MECOM: variants seen among roughly 807,000 people sequenced by gnomAD.
MECOM encodes histone-lysine N-methyltransferase MECOM.
Under a neutral mutation model 116.3 loss-of-function variants are expected in MECOM, and 13 were observed. The observed-to-expected ratio is 0.11, with a 90% CI of 0.07 to 0.18. The LOEUF is 0.18. Among genes scored for constraint, MECOM ranks in the 10% least tolerant of loss-of-function variants. The probability of loss-of-function intolerance (pLI) is 1.00; values close to 1 mark genes in which losing one functional copy is unlikely to be tolerated. For synonymous variants in MECOM, 528 were observed against 535.2 expected (o/e 0.99, Z 0.19); for missense variants, 1,299 against 1,509.0 (o/e 0.86, Z 2.31).
At chr3:169,262,355 T>G (rs1248846816) in intron 2 of MECOM, among the ~76,000 whole-genome samples, 1 of 152,186 alleles carries the variant, frequency 6.6e-6, no homozygotes, top group Non-Finnish European at 1.5e-5. Flanking sequence ...AGCTAAAATG[T>G]CTCCTCTGGG....
intron 2 of MECOM, among the ~76,000 whole-genome samples, chr3:169,290,010 C>A (rs970915656): frequency 6.6e-6 from 1 of 152,054 alleles, no homozygotes; most frequent in Admixed American, 6.6e-5. Context: ...GTAGCATTGC[C>A]CTTTAATGAA....
intron 1 of MECOM, among the ~76,000 whole-genome samples, chr3:169,561,917 G>C (rs1489513562): frequency 6.6e-6 from 1 of 151,944 alleles, no homozygotes; most frequent in African/African-American, 2.4e-5. Flanking sequence ...AGGCCTAAGA[G>C]GGCAGATCAC....
chr3:169,543,042 C>G (rs1313454944), intron 1 of MECOM, among the ~76,000 whole-genome samples: 1 of 152,112 alleles, frequency 6.6e-6, no homozygotes, highest in African/African-American at 2.4e-5. Context: ...AACCATAGTT[C>G]AACTTGAGAA....
At chr3:169,491,537 T>C (rs1001624393) in intron 1 of MECOM, among the ~76,000 whole-genome samples, 5 of 152,228 alleles carry the variant, frequency 3.3e-5, no homozygotes, top group African/African-American at 9.6e-5. Flanking sequence ...ATCTTTGAAA[T>C]GAAGACTTCA....
In MECOM at chr3:169,441,744, TAAAAAA is replaced by T. The variant is rs1743739498; in HGVS notation, c.38-60226_38-60221del. 2.3e-4 allele frequency among the ~76,000 whole-genome samples: 32 copies of T among 142,096 alleles called. 2 individuals are homozygous for T. The highest frequency in any genetic ancestry group is 5.7e-4 in the Admixed American group (8 of 13,972). The allele number at this position is 142,096 out of a possible 152,430, so 93.2% of individuals were successfully genotyped here. The stretch of plus-strand genomic sequence containing the variant: ...TCTTCTCTTCTTTTTTTTTTTTTTT[TAAAAAA>T]GGGGGGGTCTTGCTCTGTCACCCAG... On this transcript the variant is annotated intron_variant, in intron 1 of 16. Coordinates refer to ENST00000651503, the MANE Select transcript of MECOM (RefSeq NM_004991.4).
At chr3:169,355,815 A>T (rs1004095516) in intron 2 of MECOM, among the ~76,000 whole-genome samples, 2 of 151,980 alleles carry the variant, frequency 1.3e-5, no homozygotes, top group Non-Finnish European at 2.9e-5. Context: ...AGCAGTGAAG[A>T]TTCTCTAGAA....
At chr3:169,358,119 G>A (rs1727581967) in intron 2 of MECOM, among the ~76,000 whole-genome samples, 1 of 151,714 alleles carries the variant, frequency 6.6e-6, no homozygotes, top group African/African-American at 2.4e-5. Context: ...ATCCACTACT[G>A]CAAACAGAAG....
chr3:169,581,421 T>G (rs1035581749), intron 1 of MECOM, among the ~76,000 whole-genome samples: 3 of 152,138 alleles, frequency 2.0e-5, no homozygotes, highest in Admixed American at 2.0e-4. Flanking sequence ...CATGATAGTC[T>G]TTATTTTCTT....
chr3:169,427,508 C>T (rs1310647810), intron 1 of MECOM, among the ~76,000 whole-genome samples: 1 of 152,096 alleles, frequency 6.6e-6, no homozygotes. Flanking sequence ...AATAATAGGG[C>T]TTTATCTTGT....
intron 16 of MECOM, among the ~76,000 whole-genome samples, chr3:169,088,324 AATTGCT>A (rs1469001126): frequency 1.3e-5 from 2 of 152,316 alleles, no homozygotes; most frequent in East Asian, 3.9e-4. Flanking sequence ...AGGCTCTTTT[AATTGCT>A]ATTTATGGAC....
intron 1 of MECOM, among the ~76,000 whole-genome samples, chr3:169,596,969 A>G (rs1005434841): frequency 6.6e-6 from 1 of 152,212 alleles, no homozygotes; most frequent in Non-Finnish European, 1.5e-5. Context: ...AAAGTTTCTT[A>G]GGACAATGAA....
chr3:169,283,262 G>T (rs949003337), intron 2 of MECOM, among the ~76,000 whole-genome samples: 1 of 151,998 alleles, frequency 6.6e-6, no homozygotes, highest in South Asian at 2.1e-4. Flanking sequence ...CAGCATTTTG[G>T]GAGGCCAAGG....
chr3:169,119,136 G>T (rs1730160348), intron 7 of MECOM, among the ~76,000 whole-genome samples: 1 of 152,220 alleles, frequency 6.6e-6, no homozygotes, highest in Admixed American at 6.5e-5. Flanking sequence ...TAGCACTGGT[G>T]ACTTTGGGCT....
chr3:169,400,138 G>T (rs1735650568), intron 1 of MECOM, among the ~76,000 whole-genome samples: 1 of 152,080 alleles, frequency 6.6e-6, no homozygotes, highest in African/African-American at 2.4e-5. Context: ...CAATTTTATG[G>T]AGTTTCTCCT....
rs570098843 is a variant in MECOM at position 169,469,590 on chromosome 3, T to C, written c.38-88066A>G. Among the ~76,000 whole-genome samples the C allele has an allele frequency of 2.6e-3, 289 of 111,120 alleles. 2 individuals are homozygous for C. The highest frequency in any genetic ancestry group is 3.3e-3 in the Non-Finnish European group (181 of 55,240). 72.9% of individuals were successfully genotyped at this position (111,120 alleles called of 152,430 possible). The stretch of plus-strand genomic sequence containing the variant: ...TATGTGAAAGTATGAAAAATGTACA[T>C]TTCAAGGTGTACGTTTTTTTCTCCT... On this transcript the variant is annotated intron_variant, in intron 1 of 16. Coordinates refer to ENST00000651503, the MANE Select transcript of MECOM (RefSeq NM_004991.4).
intron 7 of MECOM, chr3:169,120,805 T>G (rs1730772151): frequency 6.4e-6 from 2 of 311,574 alleles, no homozygotes; most frequent in African/African-American, 4.3e-5. Flanking sequence ...CCTTTGATTA[T>G]CTAATGAATT....
At chr3:169,166,937 T>C (rs919453585) in intron 2 of MECOM, among the ~76,000 whole-genome samples, 1 of 152,156 alleles carries the variant, frequency 6.6e-6, no homozygotes, top group African/African-American at 2.4e-5. Flanking sequence ...TTATAAATTA[T>C]TGTATTATGT....
At chr3:169,480,449 C>T (rs1751115715) in intron 1 of MECOM, among the ~76,000 whole-genome samples, 1 of 152,166 alleles carries the variant, frequency 6.6e-6, no homozygotes, top group African/African-American at 2.4e-5. Context: ...TCCACTGCTC[C>T]CCCAACCCCT....
intron 1 of MECOM, among the ~76,000 whole-genome samples, chr3:169,594,878 G>GAAAAAAAAAAA (rs11371795): frequency 8.3e-5 from 10 of 119,762 alleles, no homozygotes; most frequent in South Asian, 3.0e-4. Context: ...GGATCTAACT[G>GAAAAAAAAAAA]AAAAAAAAAA....
Sources: allele counts gnomAD v4.1 joint callset (sites outside exome capture counted in the v4.1 genomes callset), GRCh38; gene constraint gnomAD v4.1.1; transcripts MANE v1.5; gene names NCBI Gene and HGNC (gene_info 2026-07-23, HGNC 2026-07-21).